The following CTNNA2 variants were observed in gnomAD, a reference collection of about 807,000 sequenced individuals.
The protein encoded by CTNNA2 is catenin alpha 2, also known as catenin alpha-2.
CTNNA2 carries 42 observed loss-of-function variants against 101.0 expected under a neutral mutation model. That is an observed-to-expected ratio of 0.42 (90% CI 0.32 to 0.54). The LOEUF is 0.54. CTNNA2 is among the 20% of genes least tolerant of loss of function. The pLI, the probability that CTNNA2 is intolerant of heterozygous loss-of-function variation, is 0.14. For synonymous variants in CTNNA2, 450 were observed against 456.4 expected (o/e 0.99, Z 0.18); for missense variants, 871 against 1,223.1 (o/e 0.71, Z 4.29).
intron 7 of CTNNA2, among the ~76,000 whole-genome samples, chr2:80,205,276 AAG>A (rs1255734594): frequency 6.6e-6 from 1 of 152,182 alleles, no homozygotes; most frequent in African/African-American, 2.4e-5. Context: ...AATAATGAAA[AAG>A]AAAAAAAACC....
chr2:79,950,789 C>T (rs1316648405), intron 7 of CTNNA2, among the ~76,000 whole-genome samples: 1 of 152,172 alleles, frequency 6.6e-6, no homozygotes, highest in Non-Finnish European at 1.5e-5. Context: ...CATATAATGG[C>T]ATTGAGTAAT....
chr2:79,971,153 G>A (rs1394672605), intron 7 of CTNNA2, among the ~76,000 whole-genome samples: 2 of 152,056 alleles, frequency 1.3e-5, no homozygotes, highest in East Asian at 3.9e-4. Context: ...TGTCTGATAA[G>A]GACTGTGAAT....
chr2:80,228,764 G>C (rs562956448), intron 7 of CTNNA2, among the ~76,000 whole-genome samples: 75 of 152,304 alleles, frequency 4.9e-4, no homozygotes, highest in Non-Finnish European at 7.5e-4. Context: ...ACAAAATAGA[G>C]GGGTAAAGCT....
At chr2:80,209,680 T>G (rs1211470311) in intron 7 of CTNNA2, among the ~76,000 whole-genome samples, 1 of 151,994 alleles carries the variant, frequency 6.6e-6, no homozygotes, top group Non-Finnish European at 1.5e-5. Context: ...TTGCCTGAAG[T>G]GTACCATCAT....
At position 79,791,119 on chromosome 2, in the gene CTNNA2, T is replaced by C. The variant is rs1395675105; in HGVS notation, c.298+46537T>C. Among the ~76,000 whole-genome samples, 23 of 152,170 alleles carry C rather than the reference T, an allele frequency of 1.5e-4. 1 individual carries two copies. The highest frequency in any genetic ancestry group is 1.5e-3 in the Admixed American group (23 of 15,276). On this transcript the variant is annotated intron_variant, in intron 3 of 18. Transcript: ENST00000402739. ...ATATAAAATTAGCCCAGTGTACTTA[T>C]TGGTAGATTTCAAAAACTATTTAAA...
intron 2 of CTNNA2, among the ~76,000 whole-genome samples, chr2:79,226,204 C>T (rs1224223885): frequency 6.6e-6 from 1 of 152,124 alleles, no homozygotes; most frequent in Non-Finnish European, 1.5e-5. Flanking sequence ...AGCTATTTTT[C>T]CTTGAAAGAT....
At chr2:80,270,673 A>T (rs1215857904) in intron 7 of CTNNA2, among the ~76,000 whole-genome samples, 2 of 152,140 alleles carry the variant, frequency 1.3e-5, no homozygotes, top group Non-Finnish European at 2.9e-5. Context: ...TAGTACTATA[A>T]TTTTTTGAGT....
At chr2:79,358,520 T>A (rs1677557903) in intron 3 of CTNNA2, among the ~76,000 whole-genome samples, 1 of 152,098 alleles carries the variant, frequency 6.6e-6, no homozygotes, top group Non-Finnish European at 1.5e-5. Context: ...TTAGTCAACA[T>A]ACGGTTTATT....
intron 7 of CTNNA2, among the ~76,000 whole-genome samples, chr2:80,343,742 TG>T (rs1246180002): frequency 2.6e-5 from 4 of 152,184 alleles, no homozygotes; most frequent in Non-Finnish European, 4.4e-5. Context: ...TAAGGAGTGA[TG>T]TTTTTTCTCT....
At chr2:79,272,320 T>A (rs1401157366) in intron 2 of CTNNA2, among the ~76,000 whole-genome samples, 1 of 152,042 alleles carries the variant, frequency 6.6e-6, no homozygotes, top group Non-Finnish European at 1.5e-5. Context: ...TCCCTGTTTA[T>A]GTGCCCATAA....
At chr2:80,642,302 A>AAATTGCTATTCC (rs1187930630) in intron 18 of CTNNA2, among the ~76,000 whole-genome samples, 2 of 152,168 alleles carry the variant, frequency 1.3e-5, no homozygotes, top group Non-Finnish European at 2.9e-5. Flanking sequence ...GACTCAAGGT[A>AAATTGCTATTCC]AATTGCTATT....
chr2:79,911,951 A>G (rs1277311235), intron 7 of CTNNA2, among the ~76,000 whole-genome samples: 2 of 152,218 alleles, frequency 1.3e-5, no homozygotes, highest in African/African-American at 4.8e-5. Flanking sequence ...ATGAATACAA[A>G]AACACATACA....
intron 3 of CTNNA2, among the ~76,000 whole-genome samples, chr2:79,856,081 C>T (rs545354751): frequency 6.6e-6 from 1 of 152,298 alleles, no homozygotes; most frequent in Non-Finnish European, 1.5e-5. Context: ...CATTGTGCCA[C>T]TAGAGTAGTG....
At chr2:79,955,080 A>G (rs1371004697) in intron 7 of CTNNA2, among the ~76,000 whole-genome samples, 1 of 152,220 alleles carries the variant, frequency 6.6e-6, no homozygotes, top group Non-Finnish European at 1.5e-5. Context: ...CCTCAGTCTG[A>G]CTGCACCAGT....
intron 7 of CTNNA2, among the ~76,000 whole-genome samples, chr2:79,952,292 C>G (rs1420602714): frequency 6.6e-6 from 1 of 152,132 alleles, no homozygotes; most frequent in African/African-American, 2.4e-5. Flanking sequence ...CACCCCACAC[C>G]GTGCCAGTCC....
chr2:79,963,909 A>G (rs975917828), intron 7 of CTNNA2, among the ~76,000 whole-genome samples: 2 of 152,072 alleles, frequency 1.3e-5, no homozygotes, highest in Admixed American at 6.6e-5. Flanking sequence ...CCATGTTTCT[A>G]TTTCTGTATC....
intron 7 of CTNNA2, among the ~76,000 whole-genome samples, chr2:80,233,326 C>G (rs1709363208): frequency 6.6e-6 from 1 of 152,060 alleles, no homozygotes; most frequent in Non-Finnish European, 1.5e-5. Flanking sequence ...CGAAAAAGAG[C>G]AGATGCCCCC....
intron 1 of CTNNA2, among the ~76,000 whole-genome samples, chr2:79,565,867 A>T (rs1675079657): frequency 6.6e-6 from 1 of 152,094 alleles, no homozygotes; most frequent in Admixed American, 6.6e-5. Flanking sequence ...TGATGCATAA[A>T]TGGTTATTGA....
chr2:79,523,645 C>T (rs1175955241), intron 1 of CTNNA2, among the ~76,000 whole-genome samples: 1 of 152,066 alleles, frequency 6.6e-6, no homozygotes, highest in African/African-American at 2.4e-5. Flanking sequence ...GTCATAAGGT[C>T]TGTGAATTTT....
Sources: gnomAD v4.1 joint callset for allele counts (sites outside exome capture counted in the v4.1 genomes callset) on GRCh38, gnomAD v4.1.1 for gene constraint, MANE v1.5 for transcripts, NCBI Gene and HGNC (gene_info 2026-07-23, HGNC 2026-07-21) for gene names.